SH3RF3: variants seen among roughly 807,000 people sequenced by gnomAD.
The protein encoded by SH3RF3 is E3 ubiquitin-protein ligase SH3RF3.
SH3RF3 carries 29 observed loss-of-function variants against 66.3 expected under a neutral mutation model. The ratio of observed to expected loss-of-function variants is 0.44; its 90% CI spans 0.33 to 0.60. SH3RF3 has a LOEUF of 0.60. Ranked by LOEUF, SH3RF3 falls within the 20% of genes least tolerant of loss-of-function variation. The pLI is 0.04. For synonymous variants in SH3RF3, 583 were observed against 532.0 expected, an observed-to-expected ratio of 1.10 and a Z score of -1.32; for missense variants, 1,194 against 1,190.9, an observed-to-expected ratio of 1.00 and a Z score of -0.04.
intron 8 of SH3RF3, among the ~76,000 whole-genome samples, chr2:109,464,668 A>T (rs750012936): frequency 1.3e-5 from 2 of 152,128 alleles, no homozygotes; most frequent in Non-Finnish European, 2.9e-5. Context: ...TATTTTTTAG[A>T]ACAAATTTAG....
At chr2:109,353,725 C>G (rs1682886730) in intron 2 of SH3RF3, among the ~76,000 whole-genome samples, 1 of 152,182 alleles carries the variant, frequency 6.6e-6, no homozygotes, top group South Asian at 2.1e-4. Flanking sequence ...GTGCACTGCC[C>G]TTAGGCACTC....
At chr2:109,499,925 G>A (rs1679347170) in intron 9 of SH3RF3, among the ~76,000 whole-genome samples, 1 of 152,208 alleles carries the variant, frequency 6.6e-6, no homozygotes, top group East Asian at 1.9e-4. Context: ...GTGACTGGGG[G>A]TTTCCAAGAG....
chr2:109,276,247 C>T lies in SH3RF3; in HGVS notation c.574-71427C>T, dbSNP rs184688762. 6.3e-3 allele frequency among the ~76,000 whole-genome samples: 954 copies of T among 152,280 alleles called. 6 individuals carry two copies. The highest frequency in any genetic ancestry group is 0.02 in the South Asian group (98 of 4,822). ...TCTGAACGTCCCTGGAGGTGGCATA[C>T]GCTCATGTCTTAGAAGAAGAAAAAG... On this transcript the variant is annotated intron_variant, in intron 1 of 9. Transcript: ENST00000309415.
intron 8 of SH3RF3, among the ~76,000 whole-genome samples, chr2:109,473,104 G>C (rs1678568467): frequency 6.6e-6 from 1 of 152,244 alleles, no homozygotes; most frequent in Admixed American, 6.5e-5. Context: ...AGAACTGACA[G>C]CCTGGCATTT....
chr2:109,291,500 G>A (rs984034636), intron 1 of SH3RF3, among the ~76,000 whole-genome samples: 10 of 152,212 alleles, frequency 6.6e-5, no homozygotes, highest in African/African-American at 1.9e-4. Context: ...CTTCGGGCAC[G>A]TGCTGCGGAG....
intron 4 of SH3RF3, among the ~76,000 whole-genome samples, chr2:109,406,299 G>A (rs1049762432): frequency 1.3e-5 from 2 of 152,144 alleles, no homozygotes; most frequent in East Asian, 1.9e-4. Flanking sequence ...GGATCAAATC[G>A]GGAAATGATT....
chr2:109,469,792 C>T (rs144867747), intron 8 of SH3RF3, among the ~76,000 whole-genome samples: 17 of 152,256 alleles, frequency 1.1e-4, no homozygotes, highest in African/African-American at 1.7e-4. Flanking sequence ...GCCAGAAAAC[C>T]GTGCTTTTCC....
chr2:109,454,106 A>G (rs1677966039), intron 8 of SH3RF3, among the ~76,000 whole-genome samples: 1 of 152,240 alleles, frequency 6.6e-6, no homozygotes, highest in South Asian at 2.1e-4. Flanking sequence ...CTTACATTAC[A>G]TGGTGAGATA....
At chr2:109,216,623 T>C (rs370866415) in intron 1 of SH3RF3, among the ~76,000 whole-genome samples, 7 of 152,206 alleles carry the variant, frequency 4.6e-5, no homozygotes, top group African/African-American at 1.7e-4. Context: ...CCATGCTCTG[T>C]AGGCTGATGG....
chr2:109,179,003 A>ATTGTGTGTGTG (rs764622844), intron 1 of SH3RF3, among the ~76,000 whole-genome samples: 4 of 142,066 alleles, frequency 2.8e-5, no homozygotes, highest in Admixed American at 7.0e-5. Context: ...AAGTATAATA[A>ATTGTGTGTGTG]TGTGTGTGTG....
At chr2:109,290,564 C>T (rs951544340) in intron 1 of SH3RF3, among the ~76,000 whole-genome samples, 1 of 152,234 alleles carries the variant, frequency 6.6e-6, no homozygotes, top group African/African-American at 2.4e-5. Flanking sequence ...TCCTTTGGCC[C>T]GCCCAATGCC....
At chr2:109,406,155 C>T (rs955489866) in intron 4 of SH3RF3, among the ~76,000 whole-genome samples, 9 of 152,192 alleles carry the variant, frequency 5.9e-5, no homozygotes, top group African/African-American at 2.2e-4. Context: ...GTCAGAGGCT[C>T]AGCTGGTGCT....
chr2:109,168,192 A>G (rs955394349), intron 1 of SH3RF3, among the ~76,000 whole-genome samples: 2 of 152,214 alleles, frequency 1.3e-5, no homozygotes, highest in African/African-American at 4.8e-5. Flanking sequence ...ATTTGCAAAC[A>G]TTGCATCATT....
At chr2:109,175,244 T>C (rs1677888731) in intron 1 of SH3RF3, among the ~76,000 whole-genome samples, 1 of 152,224 alleles carries the variant, frequency 6.6e-6, no homozygotes, top group African/African-American at 2.4e-5. Context: ...CCTGTTTTCC[T>C]TGCCTGGCAC....
chr2:109,250,968 T>C (rs1680075984), intron 1 of SH3RF3, among the ~76,000 whole-genome samples: 1 of 152,166 alleles, frequency 6.6e-6, no homozygotes, highest in East Asian at 1.9e-4. Context: ...CATTGCATTC[T>C]GTATAGCTTT....
intron 1 of SH3RF3, among the ~76,000 whole-genome samples, chr2:109,283,571 G>A (rs990207852): frequency 2.0e-5 from 3 of 152,154 alleles, no homozygotes; most frequent in Admixed American, 6.5e-5. Flanking sequence ...GAGCAGGATG[G>A]GGGCACACTT....
intron 4 of SH3RF3, among the ~76,000 whole-genome samples, chr2:109,399,718 G>C (rs866283431): frequency 6.6e-6 from 1 of 152,240 alleles, no homozygotes; most frequent in South Asian, 2.1e-4. Context: ...CCCTCACAGT[G>C]GCATGCACAG....
chr2:109,200,901 C>T lies in SH3RF3; in HGVS notation c.573+70788C>T, dbSNP rs1246669119. On this transcript the variant is annotated intron_variant, in intron 1 of 9. Transcript: ENST00000309415. ...TCCTATGTGCTGTTTCATGTCACTCCTCCTTGGGCCCTGGGTGCTGTTGGG... is the reference window on the plus strand; with the variant it reads ...TCCTATGTGCTGTTTCATGTCACTCTTCCTTGGGCCCTGGGTGCTGTTGGG... Among the ~76,000 whole-genome samples, 9 of 152,214 alleles carry T rather than the reference C, an allele frequency of 5.9e-5. No homozygotes were observed. The South Asian group carries it at 1.4e-3, about 25-fold the overall frequency.
intron 1 of SH3RF3, among the ~76,000 whole-genome samples, chr2:109,199,602 T>TCAACGCGAGTGCAG (rs1558953936): frequency 5.9e-3 from 2 of 340 alleles, no homozygotes; most frequent in Admixed American, 0.031. Context: ...TGGAATGGAA[T>TCAACGCGAGTGCAG]GGAATGGAAT....
Sources: allele counts gnomAD v4.1 joint callset (sites outside exome capture counted in the v4.1 genomes callset), GRCh38; gene constraint gnomAD v4.1.1; transcripts MANE v1.5; gene names NCBI Gene and HGNC (gene_info 2026-07-23, HGNC 2026-07-21).